The following FHIT variants were observed in gnomAD, a reference collection of about 807,000 sequenced individuals.
FHIT encodes bis(5'-adenosyl)-triphosphatase.
In FHIT, 19 loss-of-function variants were observed where a neutral mutation model predicts 17.9. That is an observed-to-expected ratio of 1.06 (90% CI 0.74 to 1.56). The LOEUF is 1.56. Among genes scored for constraint, FHIT ranks in the 40% most tolerant of loss-of-function variants. The probability of loss-of-function intolerance (pLI) is 0.00; values close to 1 mark genes in which losing one functional copy is unlikely to be tolerated. For synonymous variants in FHIT, 81 were observed against 69.7 expected (o/e 1.16, Z -0.81); for missense variants, 248 against 189.2 (o/e 1.31, Z -1.82).
At chr3:60,239,455 C>T (rs1705010328) in intron 5 of FHIT, among the ~76,000 whole-genome samples, 1 of 152,072 alleles carries the variant, frequency 6.6e-6, no homozygotes, top group African/African-American at 2.4e-5. Flanking sequence ...GTCCCAGCTA[C>T]TCAGGGGGCT....
intron 5 of FHIT, among the ~76,000 whole-genome samples, chr3:60,508,441 C>A (rs557376302): frequency 6.6e-6 from 1 of 152,116 alleles, no homozygotes; most frequent in Non-Finnish European, 1.5e-5. Context: ...ACCACAGTTA[C>A]AGGTGGAAAC....
At chr3:59,862,539 C>T (rs536815219) in intron 8 of FHIT, among the ~76,000 whole-genome samples, 6 of 152,262 alleles carry the variant, frequency 3.9e-5, no homozygotes, top group East Asian at 3.9e-4. Context: ...CTTAGCATCC[C>T]GTTTGTAGAA....
chr3:60,744,302 A>G (rs1577150502), intron 4 of FHIT, among the ~76,000 whole-genome samples: 1 of 151,510 alleles, frequency 6.6e-6, no homozygotes, highest in Non-Finnish European at 1.5e-5. Flanking sequence ...AAAGAAAAGA[A>G]AAAAACCTAT....
intron 7 of FHIT, among the ~76,000 whole-genome samples, chr3:59,988,875 A>C (rs1227877179): frequency 6.6e-6 from 1 of 152,066 alleles, no homozygotes; most frequent in African/African-American, 2.4e-5. Context: ...CAAAGCTCTG[A>C]AAGTAAAGGA....
chr3:60,296,889 C>A (rs929543231), intron 5 of FHIT, among the ~76,000 whole-genome samples: 4 of 136,002 alleles, frequency 2.9e-5, no homozygotes, highest in Non-Finnish European at 4.7e-5. Flanking sequence ...AAAGTCTATT[C>A]TTTCTCTAAC....
chr3:60,414,331 G>A (rs748944310), intron 5 of FHIT, among the ~76,000 whole-genome samples: 1 of 152,126 alleles, frequency 6.6e-6, no homozygotes, highest in African/African-American at 2.4e-5. Flanking sequence ...CAGAATTACC[G>A]GACTAGAGCA....
At chr3:60,646,002 G>A (rs142480901) in intron 4 of FHIT, among the ~76,000 whole-genome samples, 10 of 152,220 alleles carry the variant, frequency 6.6e-5, no homozygotes, top group African/African-American at 1.7e-4. Context: ...AATTACTCTC[G>A]AATAACTAGC....
At chr3:60,279,935 G>C (rs2107644608) in intron 5 of FHIT, among the ~76,000 whole-genome samples, 1 of 151,790 alleles carries the variant, frequency 6.6e-6, no homozygotes, top group African/African-American at 2.4e-5. Flanking sequence ...GGGAGGCTGA[G>C]GCAGGAGAAT....
intron 2 of FHIT, among the ~76,000 whole-genome samples, chr3:61,088,370 G>A (rs1326013567): frequency 2.0e-5 from 3 of 152,152 alleles, no homozygotes; most frequent in Non-Finnish European, 4.4e-5. Flanking sequence ...GCTTGGGAGG[G>A]AGCTAATTAC....
At chr3:60,417,260 A>C (rs1702285495) in intron 5 of FHIT, among the ~76,000 whole-genome samples, 1 of 152,172 alleles carries the variant, frequency 6.6e-6, no homozygotes, top group Non-Finnish European at 1.5e-5. Context: ...TACTCAAGAA[A>C]CTTCATGGTG....
chr3:60,449,240 C>T (rs904309996), intron 5 of FHIT, among the ~76,000 whole-genome samples: 1 of 152,132 alleles, frequency 6.6e-6, no homozygotes, highest in Non-Finnish European at 1.5e-5. Context: ...GAAAGAGAAC[C>T]AGTGCCCCGG....
At chr3:60,357,694 G>T (rs765753577) in intron 5 of FHIT, among the ~76,000 whole-genome samples, 2 of 152,044 alleles carry the variant, frequency 1.3e-5, no homozygotes, top group East Asian at 3.9e-4. Flanking sequence ...TTGTACTTAG[G>T]CATATTATTC....
At chr3:61,124,257 A>G (rs9311795) in intron 2 of FHIT, among the ~76,000 whole-genome samples, 7,595 of 152,236 alleles carry the variant, frequency 0.05, 623 homozygotes, top group African/African-American at 0.17. Flanking sequence ...GCATGAGTTC[A>G]GTATTAAGAA....
chr3:60,135,726 C>G (rs984259704), intron 5 of FHIT, among the ~76,000 whole-genome samples: 3 of 152,114 alleles, frequency 2.0e-5, no homozygotes, highest in African/African-American at 7.2e-5. Flanking sequence ...AAGGACATAG[C>G]AGAGACTCCA....
At chr3:60,211,090 A>G (rs1015246112) in intron 5 of FHIT, among the ~76,000 whole-genome samples, 37 of 138,536 alleles carry the variant, frequency 2.7e-4, no homozygotes, top group African/African-American at 9.7e-4. Context: ...AAAAAAAAGA[A>G]GAGGAGGAAG....
chr3:59,989,941 T>A (rs172455), intron 7 of FHIT, among the ~76,000 whole-genome samples: 151,038 of 152,156 alleles, frequency 0.99, 74,973 homozygotes, highest in Middle Eastern at 1. Flanking sequence ...TTCTAGTACA[T>A]AGTAGAAGAA....
intron 3 of FHIT, among the ~76,000 whole-genome samples, chr3:60,856,944 T>C (rs925164792): frequency 1.3e-5 from 2 of 152,152 alleles, no homozygotes; most frequent in South Asian, 2.1e-4. Context: ...TCCACAACCA[T>C]GCCCCACTCC....
intron 1 of FHIT, among the ~76,000 whole-genome samples, chr3:61,204,828 T>TTTA (rs886353415): frequency 6.7e-4 from 102 of 152,218 alleles, no homozygotes; most frequent in African/African-American, 2.5e-3. Context: ...TTTTTAAAAT[T>TTTA]TTATTATTAT....
At chr3:60,353,725 C>T (rs1320861269) in intron 5 of FHIT, among the ~76,000 whole-genome samples, 1 of 151,868 alleles carries the variant, frequency 6.6e-6, no homozygotes, top group Non-Finnish European at 1.5e-5. Context: ...ATAGCCAATT[C>T]CCAGAAGTAT....
Sources: gnomAD v4.1 joint callset for allele counts (sites outside exome capture counted in the v4.1 genomes callset) on GRCh38, gnomAD v4.1.1 for gene constraint, MANE v1.5 for transcripts, NCBI Gene and HGNC (gene_info 2026-07-23, HGNC 2026-07-21) for gene names.